MYO18B: variants seen among roughly 807,000 people sequenced by gnomAD.
MYO18B encodes myosin XVIIIB, also known as unconventional myosin-XVIIIb.
MYO18B carries 204 observed loss-of-function variants against 273.0 expected under a neutral mutation model. The observed-to-expected ratio is 0.75, with a 90% CI of 0.67 to 0.84. The LOEUF (loss-of-function observed/expected upper bound fraction) is 0.84, where lower values mean the gene tolerates loss of function less well. MYO18B is among the 40% of genes least tolerant of loss of function. The pLI is 0.00. For synonymous variants in MYO18B, 1,330 were observed against 1,305.7 expected, an observed-to-expected ratio of 1.02 and a Z score of -0.40; for missense variants, 3,212 against 3,287.6, an observed-to-expected ratio of 0.98 and a Z score of 0.56.
Position 25,955,252 on chromosome 22 carries a change from C to T in MYO18B, c.6044C>T (p.Ser2015Phe), listed in dbSNP as rs775339699. The T allele has an allele frequency of 2.5e-6, 4 of 1,613,734 alleles. No individual in the cohort carries two copies. In the Admixed American group the frequency reaches 5.0e-5, roughly 20 times the overall value. Residue 2015 changes from serine (S) to phenylalanine (F), a missense_variant, in exon 39 of 44, where the codon TCC (serine) becomes TTC (phenylalanine). Transcript: ENST00000335473. ...EELSQAATSESQQRESSQYYQ... is the reference protein window; with the variant it reads ...EELSQAATSEFQQRESSQYYQ... ...CTTTCACAGGCGGCCACCTCCGAGT[C>T]CCAGCAGCGGGAGAGCAGCCAGTAC...
At chr22:25,760,799 C>G (rs531932528) in intron 1 of MYO18B, among the ~76,000 whole-genome samples, 185 bp from the exon 2 acceptor site, 113 of 152,344 alleles carry the variant, frequency 7.4e-4, no homozygotes, top group Non-Finnish European at 1.3e-3. Flanking sequence ...GCACTGTTCA[C>G]TCCGCGGCCT....
intron 17 of MYO18B, among the ~76,000 whole-genome samples, chr22:25,839,840 C>G (rs774951718): frequency 6.6e-6 from 1 of 152,194 alleles, no homozygotes; most frequent in East Asian, 1.9e-4. Flanking sequence ...TTCTGCTCAC[C>G]GCTCAACTGC....
intron 25 of MYO18B, among the ~76,000 whole-genome samples, chr22:25,890,053 T>A (rs1359538751): frequency 6.6e-6 from 1 of 152,246 alleles, no homozygotes; most frequent in Non-Finnish European, 1.5e-5. Context: ...GGCAGCATTT[T>A]AAAAAGCAGC....
At chr22:25,970,146 C>G (rs2093022054) in intron 39 of MYO18B, among the ~76,000 whole-genome samples, 1 of 152,040 alleles carries the variant, frequency 6.6e-6, no homozygotes, top group Non-Finnish European at 1.5e-5. Flanking sequence ...TGATCACCAC[C>G]ATCATTATCA....
At chr22:26,003,130 G>T in intron 40 of MYO18B, 135 bp from the exon 41 acceptor site, 3 of 766,992 alleles carry the variant, frequency 3.9e-6, no homozygotes, top group Non-Finnish European at 6.8e-6. Flanking sequence ...GGGAAGGCAA[G>T]TGACTTCCCT....
chr22:25,956,569 T>C (rs2092855104), intron 39 of MYO18B, among the ~76,000 whole-genome samples: 1 of 152,180 alleles, frequency 6.6e-6, no homozygotes, highest in Non-Finnish European at 1.5e-5. Context: ...TTCTCCATCA[T>C]TCAGTGTGTT....
chr22:25,865,694 AC>A (rs1165342714), intron 21 of MYO18B, among the ~76,000 whole-genome samples: 1 of 152,108 alleles, frequency 6.6e-6, no homozygotes, highest in African/African-American at 2.4e-5. Flanking sequence ...GAGTGATAAA[AC>A]CAAGATCTGA....
the MYO18B span, among the ~76,000 whole-genome samples, chr22:26,063,829 A>C: frequency 6.6e-6 from 1 of 152,244 alleles, no homozygotes; most frequent in Admixed American, 6.5e-5. Context: ...ATAGCAATTA[A>C]AGCTCTTCTT....
chr22:25,991,751 A>C (rs1190567447), intron 39 of MYO18B, among the ~76,000 whole-genome samples: 2 of 152,142 alleles, frequency 1.3e-5, no homozygotes, highest in African/African-American at 4.8e-5. Context: ...GTGAGGCATG[A>C]GTGAGATCCT....
intron 7 of MYO18B, among the ~76,000 whole-genome samples, chr22:25,774,356 G>A (rs116623277): frequency 0.013 from 1,995 of 152,270 alleles, 44 homozygotes; most frequent in African/African-American, 0.045. Flanking sequence ...GGCTTCTGTT[G>A]CTGCAGCCCA....
chr22:25,951,412 C>T (rs184162441), intron 37 of MYO18B, among the ~76,000 whole-genome samples: 86 of 152,332 alleles, frequency 5.6e-4, no homozygotes, highest in African/African-American at 2.0e-3. Flanking sequence ...GACACATGCA[C>T]ACACACTCAC....
chr22:25,841,215 G>C (rs186142513), intron 17 of MYO18B, among the ~76,000 whole-genome samples: 2 of 152,300 alleles, frequency 1.3e-5, no homozygotes, highest in Non-Finnish European at 2.9e-5. Context: ...GAGGCTGAGG[G>C]GGCCCTCTCT....
intron 35 of MYO18B, 21 bp downstream of exon 35, chr22:25,946,271 C>T (rs2092712040): frequency 6.6e-7 from 1 of 1,523,424 alleles, no homozygotes; most frequent in Admixed American, 2.0e-5. Context: ...CTTCCTGCAG[C>T]TGCAGGGACC....
At chr22:25,859,103 A>G (rs1297617819) in intron 21 of MYO18B, among the ~76,000 whole-genome samples, 1 of 152,194 alleles carries the variant, frequency 6.6e-6, no homozygotes, top group Non-Finnish European at 1.5e-5. Flanking sequence ...AAATGTAATC[A>G]ATTATGATTT....
chr22:25,948,592 T>G (rs1215664066), intron 36 of MYO18B, among the ~76,000 whole-genome samples: 3 of 145,338 alleles, frequency 2.1e-5, no homozygotes. Flanking sequence ...TCTTTCTTTC[T>G]TCTTATCTTT....
intron 16 of MYO18B, among the ~76,000 whole-genome samples, chr22:25,833,267 C>T (rs899059431): frequency 6.6e-6 from 1 of 152,148 alleles, no homozygotes. Flanking sequence ...AGAATAGACT[C>T]GTGCCTGGGA....
At chr22:25,995,078 G>A (rs923672125) in intron 40 of MYO18B, among the ~76,000 whole-genome samples, 5 of 152,128 alleles carry the variant, frequency 3.3e-5, no homozygotes, top group Admixed American at 6.5e-5. Flanking sequence ...AATGTGATGC[G>A]TATACACGAT....
At chr22:25,850,848 A>G (rs767327997) in intron 20 of MYO18B, among the ~76,000 whole-genome samples, 1 of 152,112 alleles carries the variant, frequency 6.6e-6, no homozygotes, top group Non-Finnish European at 1.5e-5. Flanking sequence ...CTTCCATACC[A>G]AGTTATTTTG....
At chr22:25,973,684 C>T (rs1479588073) in intron 39 of MYO18B, among the ~76,000 whole-genome samples, 1 of 152,176 alleles carries the variant, frequency 6.6e-6, no homozygotes, top group Non-Finnish European at 1.5e-5. Context: ...TGGCTAGTGG[C>T]TACCATATTG....
Sources: allele counts gnomAD v4.1 joint callset (sites outside exome capture counted in the v4.1 genomes callset), GRCh38; gene constraint gnomAD v4.1.1; transcripts MANE v1.5; gene names NCBI Gene and HGNC (gene_info 2026-07-23, HGNC 2026-07-21).